The following TMEM9 variants were observed in gnomAD, a reference collection of about 807,000 sequenced individuals.
TMEM9 encodes proton-transporting V-type ATPase complex assembly regulator TMEM9.
A neutral mutation model predicts 22.8 loss-of-function variants in TMEM9; 13 were observed. That is an observed-to-expected ratio of 0.57 (90% CI 0.37 to 0.91). The LOEUF is 0.91. Among genes scored for constraint, TMEM9 ranks in the 40% least tolerant of loss-of-function variants. The pLI, the probability that TMEM9 is intolerant of heterozygous loss-of-function variation, is 0.01. For missense variants in TMEM9, 182 were observed against 238.1 expected, an observed-to-expected ratio of 0.76 and a Z score of 1.55; for synonymous variants, 88 against 93.0, an observed-to-expected ratio of 0.95 and a Z score of 0.31.
At chr1:201,136,524 C>T (rs1664000027) in intron 4 of TMEM9, among the ~76,000 whole-genome samples, 1 of 152,132 alleles carries the variant, frequency 6.6e-6, no homozygotes, top group African/African-American at 2.4e-5. Flanking sequence ...TTCAGAGCCG[C>T]CCCAGCATTC....
rs746735599 is a variant in TMEM9 at position 201,135,772 on chromosome 1, G to A, written c.443C>T (p.Pro148Leu). The A allele has an allele frequency of 6.2e-7, 1 of 1,612,704 alleles. No homozygotes were observed. Among genetic ancestry groups the A allele is most frequent in the Non-Finnish European group, 8.5e-7 (1 of 1,179,408 alleles). The change falls in exon 5 of 5, where the codon CCC (proline) becomes CTC (leucine). Residue 148 changes from proline to leucine, a missense_variant. Pro to Leu is a moderately conservative substitution (Grantham distance 98). Coordinates refer to ENST00000367330, the MANE Select transcript of TMEM9 (RefSeq NM_001288565.2). Reference protein sequence around the residue: ...MAAAAASLGGPRANTVLERVE... With the variant: ...MAAAAASLGGLRANTVLERVE... ...ACGCTCCAGGACTGTGTTTGCTCGG[G>A]GTCCCCCGAGGGATGCAGCAGCTGC...
chr1:201,143,468 G>A (rs1664698636), intron 4 of TMEM9, among the ~76,000 whole-genome samples: 1 of 152,234 alleles, frequency 6.6e-6, no homozygotes, highest in Non-Finnish European at 1.5e-5. Flanking sequence ...CTGCCGTCCA[G>A]TCCACCAGCA....
Position 201,143,822 on chromosome 1 carries a change from C to T in TMEM9, c.397G>A (p.Glu133Lys). ...TEQLHNEEEN[E>K]DARSMAAAAA... Reference sequence around the variant, plus strand: ...CTGGGCACTCAAAGCCCTCTTACCTCATTCTCCTCCTCATTGTGCAGTTGC... The same window carrying T: ...CTGGGCACTCAAAGCCCTCTTACCTTATTCTCCTCCTCATTGTGCAGTTGC... Residue 133 changes from glutamate to lysine, a missense_variant and splice_region_variant, in exon 4 of 5, where the codon GAG (glutamate) becomes AAG (lysine). Glu to Lys is a moderately conservative substitution (Grantham distance 56). Coordinates refer to ENST00000367330, the MANE Select transcript of TMEM9 (RefSeq NM_001288565.2). The T allele has an allele frequency of 6.2e-7, 1 of 1,614,004 alleles. No individual in the cohort carries two copies. The highest frequency in any genetic ancestry group is 8.5e-7 in the Non-Finnish European group (1 of 1,179,940).
At chr1:201,159,437 G>C (rs72751134), upstream of TMEM9, among the ~76,000 whole-genome samples, 1,550 of 151,908 alleles carry the variant, frequency 0.01, 15 homozygotes, top group Non-Finnish European at 0.017. Flanking sequence ...GCAAGGCCCT[G>C]GACAAGCACG....
chr1:201,138,592 A>G (rs528033752), intron 4 of TMEM9, among the ~76,000 whole-genome samples: 5 of 152,292 alleles, frequency 3.3e-5, no homozygotes, highest in African/African-American at 1.2e-4. Context: ...CAATCAGAAA[A>G]AGAGCTTGGA....
At chr1:201,164,838 C>T (rs745423728) in intron 1 of TMEM9, among the ~76,000 whole-genome samples, 1 of 151,898 alleles carries the variant, frequency 6.6e-6, no homozygotes, top group Non-Finnish European at 1.5e-5. Flanking sequence ...TTTATCATAG[C>T]GTCCATGTGG....
intron 4 of TMEM9, 75 bp from the exon 5 acceptor site, chr1:201,135,890 G>A: frequency 7.0e-7 from 1 of 1,427,454 alleles, no homozygotes; most frequent in Non-Finnish European, 9.3e-7. Context: ...AGTCTGACAT[G>A]GAAAGAACGA....
chr1:201,162,904 GACAGAGAC>G (rs1665983502), intron 1 of TMEM9, among the ~76,000 whole-genome samples: 1 of 151,360 alleles, frequency 6.6e-6, no homozygotes, highest in Non-Finnish European at 1.5e-5. Flanking sequence ...GTAGGCAAAA[GACAGAGAC>G]ATTTCACTAA....
intron 1 of TMEM9, among the ~76,000 whole-genome samples, chr1:201,160,645 A>G (rs1665918835): frequency 9.9e-6 from 1 of 101,066 alleles, no homozygotes; most frequent in Middle Eastern, 5.2e-3. Flanking sequence ...TTTAAAATCG[A>G]GGACCCTAGG....
chr1:201,167,500 T>C (rs1205053951), intron 1 of TMEM9, among the ~76,000 whole-genome samples: 6 of 152,186 alleles, frequency 3.9e-5, no homozygotes, highest in Non-Finnish European at 7.3e-5. Context: ...GTTCTTGGGT[T>C]CTACAACAGT....
upstream of TMEM9, among the ~76,000 whole-genome samples, chr1:201,156,843 AC>A (rs1665810314): frequency 6.6e-6 from 1 of 152,154 alleles, no homozygotes; most frequent in Admixed American, 6.5e-5. Context: ...GATGCTAGGT[AC>A]CCCAGGGATA....
chr1:201,146,652 T>A (rs768759241), intron 3 of TMEM9, 88 bp downstream of exon 3: 1 of 1,364,822 alleles, frequency 7.3e-7, no homozygotes, highest in Non-Finnish European at 1.0e-6. Context: ...CATTCCAGAA[T>A]AAAGTGAAAA....
chr1:201,144,550 A>G (rs1363155781), intron 3 of TMEM9: 1 of 152,694 alleles, frequency 6.5e-6, no homozygotes, highest in African/African-American at 2.4e-5. Flanking sequence ...GGGAAAGCCA[A>G]GGGTAGAACA....
At chr1:201,138,046 G>A (rs2102222541) in intron 4 of TMEM9, among the ~76,000 whole-genome samples, 1 of 152,264 alleles carries the variant, frequency 6.6e-6, no homozygotes, top group African/African-American at 2.4e-5. Flanking sequence ...TCTGGGGGCT[G>A]GATTGCCTTC....
intron 3 of TMEM9, among the ~76,000 whole-genome samples, chr1:201,145,882 G>T (rs1664914645): frequency 6.6e-6 from 1 of 152,184 alleles, no homozygotes. Flanking sequence ...GGGTTGCATG[G>T]GCCTGGGAGG....
At chr1:201,141,140 C>G (rs1664484568) in intron 4 of TMEM9, among the ~76,000 whole-genome samples, 1 of 152,214 alleles carries the variant, frequency 6.6e-6, no homozygotes, top group Non-Finnish European at 1.5e-5. Context: ...GGGTAACTTT[C>G]CGACCCCTTG....
chr1:201,171,346 A>G (rs1436211726), intron 1 of TMEM9: 1 of 152,172 alleles, frequency 6.6e-6, no homozygotes. Flanking sequence ...CGCCGCGGCG[A>G]TTTACCGCGC....
chr1:201,164,081 A>T (rs147614029), intron 1 of TMEM9, among the ~76,000 whole-genome samples: 130 of 152,384 alleles, frequency 8.5e-4, no homozygotes, highest in African/African-American at 3.1e-3. Context: ...CTATTGATAG[A>T]TGCAACAACT....
In TMEM9 at chr1:201,135,339, G is replaced by A. The variant is rs1332566428; in HGVS notation, c.*324C>T. On this transcript the variant is annotated 3_prime_UTR_variant, in exon 5 of 5. Coordinates refer to ENST00000367330, the MANE Select transcript of TMEM9 (RefSeq NM_001288565.2). ...ACATTCCCAAGACTCAGAGCTGGAAGGCGGCAAGAGTGGAGCCAGGAGAGA... is the reference window on the plus strand; with the variant it reads ...ACATTCCCAAGACTCAGAGCTGGAAAGCGGCAAGAGTGGAGCCAGGAGAGA... 4.7e-6 allele frequency: 1 copy of A among 214,096 alleles called. No individual in the cohort carries two copies. The highest frequency in any genetic ancestry group is 9.2e-6 in the Non-Finnish European group (1 of 108,656). The allele number at this position is 214,096 out of a possible 1,614,324, so 13.3% of individuals were successfully genotyped here.
Sources: allele counts gnomAD v4.1 joint callset (sites outside exome capture counted in the v4.1 genomes callset), GRCh38; gene constraint gnomAD v4.1.1; transcripts MANE v1.5; gene names NCBI Gene and HGNC (gene_info 2026-07-23, HGNC 2026-07-21).